PLEKHA8: variants seen among roughly 807,000 people sequenced by gnomAD.
The protein encoded by PLEKHA8 is pleckstrin homology domain-containing family A member 8.
In PLEKHA8, 36 loss-of-function variants were observed where a neutral mutation model predicts 68.2. The ratio of observed to expected loss-of-function variants is 0.53; its 90% CI spans 0.40 to 0.70. The LOEUF (loss-of-function observed/expected upper bound fraction) is 0.70. PLEKHA8 is among the 30% of genes least tolerant of loss of function. The pLI is 0.00. For missense variants in PLEKHA8, 505 were observed against 615.4 expected (o/e 0.82, Z 1.90); for synonymous variants, 211 against 216.1 (o/e 0.98, Z 0.20).
intron 1 of PLEKHA8, among the ~76,000 whole-genome samples, chr7:30,041,172 C>T (rs189403612): frequency 1.3e-5 from 2 of 152,328 alleles, no homozygotes; most frequent in East Asian, 3.9e-4. Flanking sequence ...CTCTCCATCA[C>T]TCTGCATTTA....
downstream of PLEKHA8, among the ~76,000 whole-genome samples, chr7:30,093,016 A>G (rs913788553): frequency 6.6e-6 from 1 of 152,216 alleles, no homozygotes; most frequent in African/African-American, 2.4e-5. Context: ...TAAGTTTTCA[A>G]ATAAGTCCAA....
intron 13 of PLEKHA8, among the ~76,000 whole-genome samples, chr7:30,119,390 G>C (rs1796658913): frequency 6.6e-6 from 1 of 152,164 alleles, no homozygotes; most frequent in African/African-American, 2.4e-5. Flanking sequence ...TGAAAGCTCA[G>C]ATCTAAACCC....
intron 2 of PLEKHA8, among the ~76,000 whole-genome samples, chr7:30,045,869 C>G (rs1791912775): frequency 6.6e-6 from 1 of 152,158 alleles, no homozygotes. Flanking sequence ...GGCCTCAGAG[C>G]AGCCTACTTA....
chr7:30,036,686 G>A (rs1159309669), intron 1 of PLEKHA8, among the ~76,000 whole-genome samples: 4 of 152,152 alleles, frequency 2.6e-5, no homozygotes, highest in Non-Finnish European at 5.9e-5. Context: ...GTTTTAAAGA[G>A]AATTTGATAT....
chr7:30,102,346 C>T (rs756496881), intron 13 of PLEKHA8, among the ~76,000 whole-genome samples: 2 of 152,168 alleles, frequency 1.3e-5, no homozygotes, highest in Non-Finnish European at 2.9e-5. Context: ...GGTGCAACTG[C>T]TGTGGAAGCA....
At chr7:30,121,292 G>A (rs533587613) in intron 13 of PLEKHA8, among the ~76,000 whole-genome samples, 3 of 152,222 alleles carry the variant, frequency 2.0e-5, no homozygotes, top group African/African-American at 7.2e-5. Flanking sequence ...AGAGGGATTT[G>A]GGCCACCATG....
At chr7:30,095,955 G>A (rs1425372958) in intron 13 of PLEKHA8, among the ~76,000 whole-genome samples, 8 of 152,176 alleles carry the variant, frequency 5.3e-5, no homozygotes, top group Admixed American at 3.3e-4. Flanking sequence ...AAGTCAGGTA[G>A]CGTGATGCCT....
intron 13 of PLEKHA8, 136 bp downstream of exon 13, chr7:30,074,268 G>GTGTGTGTATGTGTGTGTA: frequency 1.5e-6 from 1 of 652,468 alleles, no homozygotes; most frequent in Non-Finnish European, 2.6e-6. Flanking sequence ...GTGTGTGTGT[G>GTGTGTGTATGTGTGTGTA]TGTGTATGTG....
intron 12 of PLEKHA8, among the ~76,000 whole-genome samples, chr7:30,063,382 G>A (rs1036655884): frequency 9.2e-5 from 14 of 152,178 alleles, no homozygotes; most frequent in Middle Eastern, 3.2e-3. Context: ...GACCAGTTTT[G>A]GAAAATGTTG....
intron 12 of PLEKHA8, among the ~76,000 whole-genome samples, chr7:30,064,681 A>G (rs1562525500): frequency 6.6e-6 from 1 of 152,176 alleles, no homozygotes; most frequent in Non-Finnish European, 1.5e-5. Flanking sequence ...AATAAGACTT[A>G]TTTGTCCCAC....
At chr7:30,108,507 AT>A (rs1035315564) in intron 13 of PLEKHA8, among the ~76,000 whole-genome samples, 2 of 151,838 alleles carry the variant, frequency 1.3e-5, no homozygotes, top group African/African-American at 4.8e-5. Flanking sequence ...ATTTAATTTT[AT>A]TTTTTTTAGT....
In PLEKHA8 at chr7:30,046,751, G is replaced by C. The variant is rs145483143; in HGVS notation, c.313+386G>C. On this transcript the variant is annotated intron_variant, in intron 3 of 13. Transcript: ENST00000449726. ...GATAAAATGGTGGAGTATCCAGTCT[G>C]TGGCCAAACTTGACCTTTGGTGAGG... is the stretch of plus-strand genomic sequence containing the variant. 4.1e-4 allele frequency among the ~76,000 whole-genome samples: 62 copies of C among 152,306 alleles called. 1 individual carries two copies. Among genetic ancestry groups the C allele is most frequent in the African/African-American group, 1.3e-3 (56 of 41,566 alleles).
rs1294134972 is a variant in PLEKHA8 at position 30,083,098 on chromosome 7, T to C, written c.*4311T>C. 3.0e-6 allele frequency: 3 copies of C among 983,908 alleles called. No individual in the cohort carries two copies. The highest frequency in any genetic ancestry group is 2.3e-4 in the East Asian group (2 of 8,808). 60.9% of individuals were successfully genotyped at this position (983,908 alleles called of 1,614,324 possible). A position where few individuals can be genotyped will look rare whatever the true frequency, so the allele number is the denominator to read the frequency against. On this transcript the variant is annotated 3_prime_UTR_variant, in exon 14 of 14. Transcript: ENST00000449726. ...AGATGTAGAGTTTATAAGTAAAATATATTTTTAGCCATTGTTCTGTTAGCT... is the reference window on the plus strand; with the variant it reads ...AGATGTAGAGTTTATAAGTAAAATACATTTTTAGCCATTGTTCTGTTAGCT...
intron 13 of PLEKHA8, among the ~76,000 whole-genome samples, chr7:30,122,141 T>C (rs533549891): frequency 6.6e-6 from 1 of 152,358 alleles, no homozygotes; most frequent in East Asian, 1.9e-4. Context: ...TTCTAAGAGG[T>C]AGAATCAGAA....
chr7:30,032,123 C>G (rs1044780020), intron 1 of PLEKHA8, among the ~76,000 whole-genome samples: 11 of 152,078 alleles, frequency 7.2e-5, no homozygotes, highest in Non-Finnish European at 1.5e-4. Context: ...TTACAGATTC[C>G]CACATTGTGT....
intron 13 of PLEKHA8, 147 bp downstream of exon 13, chr7:30,074,279 T>G: frequency 1.7e-6 from 1 of 597,966 alleles, no homozygotes. Flanking sequence ...TGTGTATGTG[T>G]GGTGTTTTTG....
In PLEKHA8 at chr7:30,036,779, C is replaced by T. The variant is rs566085936; in HGVS notation, c.40+7977C>T. Among the ~76,000 whole-genome samples the T allele has an allele frequency of 1.1e-3, 164 of 152,300 alleles. 1 individual carries two copies. Among genetic ancestry groups the T allele is most frequent in the East Asian group, 9.7e-4 (5 of 5,180 alleles). On this transcript the variant is annotated intron_variant, in intron 1 of 13. Transcript: ENST00000449726. ...TCACTCCTTGAGGCTGGGATCTTTT[C>T]TCTAAATCTCCAAACCTGGCAAACT...
intron 13 of PLEKHA8, among the ~76,000 whole-genome samples, chr7:30,074,519 A>C (rs1794491564): frequency 6.6e-6 from 1 of 152,300 alleles, no homozygotes; most frequent in South Asian, 2.1e-4. Flanking sequence ...CTGATAAGGT[A>C]GTAAAAAGCT....
downstream of PLEKHA8, among the ~76,000 whole-genome samples, chr7:30,094,323 G>A (rs1353601920): frequency 6.7e-6 from 1 of 150,314 alleles, no homozygotes; most frequent in African/African-American, 2.5e-5. Flanking sequence ...TGCCCAGGCT[G>A]GAGTGTAGTG....
Sources: gnomAD v4.1 joint callset for allele counts (sites outside exome capture counted in the v4.1 genomes callset) on GRCh38, gnomAD v4.1.1 for gene constraint, MANE v1.5 for transcripts, NCBI Gene and HGNC (gene_info 2026-07-23, HGNC 2026-07-21) for gene names.